The following BSND variants were observed in gnomAD, a reference collection of about 807,000 sequenced individuals.
The protein encoded by BSND is barttin.
BSND carries 13 observed loss-of-function variants against 18.8 expected under a neutral mutation model. The ratio of observed to expected loss-of-function variants is 0.69; its 90% CI spans 0.45 to 1.10. The LOEUF (loss-of-function observed/expected upper bound fraction) is 1.10. Ranked by LOEUF, BSND falls within the 50% of genes least tolerant of loss-of-function variation. BSND has a pLI of 0.00. For synonymous variants in BSND, 170 were observed against 161.8 expected, an observed-to-expected ratio of 1.05 and a Z score of -0.39; for missense variants, 379 against 416.7, an observed-to-expected ratio of 0.91 and a Z score of 0.79.
In BSND at chr1:55,007,065, T is replaced by A. The variant is rs747768672; in HGVS notation, c.341T>A (p.Phe114Tyr). The A allele has an allele frequency of 6.2e-7, 1 of 1,614,154 alleles. No individual in the cohort carries two copies. Among genetic ancestry groups the A allele is most frequent in the Admixed American group, 1.7e-5 (1 of 60,018 alleles). ...GCCTATGACCAGAGCCTGCCTGACTTCAGCCACATCCAGATGAAAGTCATG... is the reference window on the plus strand; with the variant it reads ...GCCTATGACCAGAGCCTGCCTGACTACAGCCACATCCAGATGAAAGTCATG... ...EAAYDQSLPD[F>Y]SHIQMKVMSY... The change falls in exon 3 of 4, where the codon TTC (phenylalanine) becomes TAC (tyrosine). Residue 114 changes from phenylalanine (F) to tyrosine (Y), a missense_variant. Transcript: ENST00000651561.
Position 55,008,406 on chromosome 1 carries a change from A to G in BSND, c.741A>G (p.Pro247=). 1 of 1,614,186 alleles carries G rather than the reference A, an allele frequency of 6.2e-7. No homozygotes were observed. The highest frequency in any genetic ancestry group is 8.5e-7 in the Non-Finnish European group (1 of 1,180,026). ...AAGACTTTGCCCTGATTGATGCCCC[A>G]ACGTTGGAGGATGAGCCCCAAGAGG... The part of the protein sequence containing the change: ...RFQDFALIDA[P]TLEDEPQEGQ... The change falls in exon 4 of 4, where the codon CCA becomes CCG. Residue 247 remains proline (P), a synonymous_variant. Transcript: ENST00000651561.
At position 55,009,806 on chromosome 1, in the gene BSND, C is replaced by T. The variant is rs1351151902; in HGVS notation, c.*1178C>T. Reference sequence around the variant, plus strand: ...CCTGTAATCTGAGCATTTTGGGAGGCTAAAGTGGGTGGATCACTTGAGGCC... The same window carrying T: ...CCTGTAATCTGAGCATTTTGGGAGGTTAAAGTGGGTGGATCACTTGAGGCC... On this transcript the variant is annotated 3_prime_UTR_variant, in exon 4 of 4. Coordinates refer to ENST00000651561, the MANE Select transcript of BSND (RefSeq NM_057176.3). The T allele has an allele frequency of 6.6e-6, 1 of 152,244 alleles. No individual in the cohort carries two copies. The highest frequency in any genetic ancestry group is 1.5e-5 in the Non-Finnish European group (1 of 68,076). 9.4% of individuals were successfully genotyped at this position (152,244 alleles called of 1,614,324 possible).
intron 1 of BSND, among the ~76,000 whole-genome samples, chr1:55,003,838 C>T (rs557368771): frequency 1.4e-5 from 2 of 147,952 alleles, no homozygotes; most frequent in East Asian, 3.9e-4. Flanking sequence ...GTAACTAGCC[C>T]CATTTTAAAA....
Position 55,014,018 on chromosome 1 carries a change from C to T in BSND, c.*5390C>T, listed in dbSNP as rs762085585. On this transcript the variant is annotated 3_prime_UTR_variant, in exon 4 of 4. Transcript: ENST00000651561. ...TCCATCTCCACTGCACCCTCTCCTC[C>T]GAATCCCTCCTAAACTGTGTGCCCC... 7.2e-5 allele frequency among the ~76,000 whole-genome samples: 11 copies of T among 152,192 alleles called. No individual in the cohort carries two copies. In the East Asian group the frequency reaches 9.7e-4, roughly 13 times the overall value.
chr1:55,006,002 C>G (rs919554578), intron 2 of BSND, among the ~76,000 whole-genome samples: 2 of 152,208 alleles, frequency 1.3e-5, no homozygotes, highest in African/African-American at 4.8e-5. Context: ...CAAGAATGCT[C>G]CAGCCCTGGA....
At position 55,008,416 on chromosome 1, in the gene BSND, G is replaced by T. The variant is rs1247819409; in HGVS notation, c.751G>T (p.Asp251Tyr). Residue 251 changes from aspartate (D) to tyrosine (Y), a missense_variant, in exon 4 of 4, where the codon GAT (aspartate) becomes TAT (tyrosine). By Grantham distance (160) the Asp-to-Tyr change is radical. Transcript: ENST00000651561. ...CCTGATTGATGCCCCAACGTTGGAG[G>T]ATGAGCCCCAAGAGGGGCAGCAGTG... ...FALIDAPTLE[D>Y]EPQEGQQWEI... 6.2e-7 allele frequency: 1 copy of T among 1,614,226 alleles called. No individual in the cohort carries two copies. The highest frequency in any genetic ancestry group is 2.2e-5 in the East Asian group (1 of 44,884).
In BSND at chr1:55,010,478, GCCTGCAC is replaced by G. The variant is rs1463830473; in HGVS notation, c.*1855_*1861del. On this transcript the variant is annotated 3_prime_UTR_variant, in exon 4 of 4. Transcript: ENST00000651561. ...CTCAAACCAGGACCACGCCCTCAGAGCCTGCACCCTGGGCCACCTGGGAGTCAGAGAC... is the reference window on the plus strand; with the variant it reads ...CTCAAACCAGGACCACGCCCTCAGAGCCTGGGCCACCTGGGAGTCAGAGAC... 3 of 152,334 alleles carry G rather than the reference GCCTGCAC, an allele frequency of 2.0e-5. No individual in the cohort carries two copies. Among genetic ancestry groups the G allele is most frequent in the Non-Finnish European group, 2.9e-5 (2 of 68,134 alleles). The allele number at this position is 152,334 out of a possible 1,614,324, so 9.4% of individuals were successfully genotyped here. A position where few individuals can be genotyped will look rare whatever the true frequency, so the allele number is the denominator to read the frequency against.
Position 55,005,253 on chromosome 1 carries a change from T to C in BSND, c.272+137T>C, listed in dbSNP as rs893986822. 5 of 733,800 alleles carry C rather than the reference T, an allele frequency of 6.8e-6. No homozygotes were observed. The East Asian group carries it at 1.3e-4, about 20-fold the overall frequency. 45.5% of individuals were successfully genotyped at this position (733,800 alleles called of 1,614,324 possible). A position where few individuals can be genotyped will look rare whatever the true frequency, so the allele number is the denominator to read the frequency against. On this transcript the variant is annotated intron_variant, in intron 2 of 3. Transcript: ENST00000651561. ...AGAATGTATTAGAAATTATGGACTGTTTTCAACTCTCAATTCTGTGAGTTA... is the reference window on the plus strand; with the variant it reads ...AGAATGTATTAGAAATTATGGACTGCTTTCAACTCTCAATTCTGTGAGTTA...
In BSND at chr1:55,016,913, C is replaced by T. The variant is rs1341540598; in HGVS notation, c.*8285C>T. Among the ~76,000 whole-genome samples the T allele has an allele frequency of 6.6e-6, 1 of 152,202 alleles. No homozygotes were observed. The highest frequency in any genetic ancestry group is 1.5e-5 in the Non-Finnish European group (1 of 68,036). Reference sequence around the variant, plus strand: ...AGCTATGCAAGGGACAGATACACGGCCATTCAAAACAGTGACCCTCCTGAT... The same window carrying T: ...AGCTATGCAAGGGACAGATACACGGTCATTCAAAACAGTGACCCTCCTGAT... On this transcript the variant is annotated 3_prime_UTR_variant, in exon 4 of 4. Coordinates refer to ENST00000651561, the MANE Select transcript of BSND (RefSeq NM_057176.3).
Position 54,999,386 on chromosome 1 carries a change from G to A in BSND, c.177+23G>A, listed in dbSNP as rs183215871. The A allele has an allele frequency of 4.6e-3, 7,298 of 1,597,186 alleles. 31 individuals carry two copies. Among genetic ancestry groups the A allele is most frequent in the Middle Eastern group, 9.7e-3 (55 of 5,678 alleles). ...AAGGTAGGTGGTAGTGGGGCTGGGT[G>A]GGGCCAGGTCAGCTGGGGCCAGGAG... On this transcript the variant is annotated intron_variant, in intron 1 of 3. Transcript: ENST00000651561.
chr1:55,001,201 CGTGTGTGT>C (rs36051858), intron 1 of BSND, among the ~76,000 whole-genome samples: 288 of 137,002 alleles, frequency 2.1e-3, no homozygotes, highest in East Asian at 9.7e-3. Context: ...ACAGTGGGAT[CGTGTGTGT>C]GTGTGTGTGT....
Position 55,011,314 on chromosome 1 carries a change from C to G in BSND, c.*2686C>G, listed in dbSNP as rs1476389738. On this transcript the variant is annotated 3_prime_UTR_variant, in exon 4 of 4. Transcript: ENST00000651561. Reference sequence around the variant, plus strand: ...TGCCTCTGCTAAGTTATTAGGAGGCCCCTTTCACGCTCGAAGATACCTCAT... The same window carrying G: ...TGCCTCTGCTAAGTTATTAGGAGGCGCCTTTCACGCTCGAAGATACCTCAT... The G allele has an allele frequency of 2.3e-5, 2 of 87,450 alleles. No homozygotes were observed. Among genetic ancestry groups the G allele is most frequent in the African/African-American group, 1.6e-4 (2 of 12,630 alleles). The allele number at this position is 87,450 out of a possible 1,614,324, so 5.4% of individuals were successfully genotyped here.
At position 55,007,062 on chromosome 1, in the gene BSND, A is replaced by T; in HGVS notation, c.338A>T (p.Asp113Val). ...EEAAYDQSLP[D>V]FSHIQMKVMS... ...GCCGCCTATGACCAGAGCCTGCCTG[A>T]CTTCAGCCACATCCAGATGAAAGTC... Residue 113 changes from aspartate to valine, a missense_variant, in exon 3 of 4, where the codon GAC becomes GTC. Physicochemically the swap from Asp to Val is radical, Grantham distance 152. Transcript: ENST00000651561. 1 of 1,614,182 alleles carries T rather than the reference A, an allele frequency of 6.2e-7. No homozygotes were observed. Among genetic ancestry groups the T allele is most frequent in the Non-Finnish European group, 8.5e-7 (1 of 1,180,046 alleles).
rs876657432 is a variant in BSND at position 55,008,616 on chromosome 1, C to T, written c.951C>T (p.Asp317=). The T allele has an allele frequency of 6.2e-7, 1 of 1,614,038 alleles. No individual in the cohort carries two copies. The highest frequency in any genetic ancestry group is 8.5e-7 in the Non-Finnish European group (1 of 1,180,054). Residue 317 remains aspartate (D), a synonymous_variant, in exon 4 of 4, where the codon GAC becomes GAT. Coordinates refer to ENST00000651561, the MANE Select transcript of BSND (RefSeq NM_057176.3). ...ACAAGGAGCTGGGTTTTGAGCCTGA[C>T]ACCCAAGGCTGAGATGTTTGTGCTC... ...LPDKELGFEP[D]TQG
In BSND at chr1:55,014,615, G is replaced by C. The variant is rs1289329175; in HGVS notation, c.*5987G>C. On this transcript the variant is annotated 3_prime_UTR_variant, in exon 4 of 4. Transcript: ENST00000651561. Reference sequence around the variant, plus strand: ...TGTCATCCAAGCACATGTATAATTCGAGCTTTGTATCGTCAGTGCTTCCAA... The same window carrying C: ...TGTCATCCAAGCACATGTATAATTCCAGCTTTGTATCGTCAGTGCTTCCAA... Among the ~76,000 whole-genome samples the C allele has an allele frequency of 6.6e-6, 1 of 152,168 alleles. No individual in the cohort carries two copies. Among genetic ancestry groups the C allele is most frequent in the African/African-American group, 2.4e-5 (1 of 41,432 alleles).
chr1:55,014,605 T>C lies in BSND; in HGVS notation c.*5977T>C, dbSNP rs142039278. Among the ~76,000 whole-genome samples, 80 of 152,308 alleles carry C rather than the reference T, an allele frequency of 5.3e-4. No homozygotes were observed. The highest frequency in any genetic ancestry group is 1.8e-3 in the African/African-American group (74 of 41,560). ...ACAAGCACTGTGTCATCCAAGCACA[T>C]GTATAATTCGAGCTTTGTATCGTCA... On this transcript the variant is annotated 3_prime_UTR_variant, in exon 4 of 4. Transcript: ENST00000651561.
Position 55,007,223 on chromosome 1 carries a change from G to A in BSND, c.499G>A (p.Gly167Ser). The change falls in exon 3 of 4, where the codon GGC (glycine) becomes AGC (serine). Residue 167 changes from glycine to serine, a missense_variant. Transcript: ENST00000651561. ...WMEAAVVIHKGSDESEGERRL... is the reference protein window; with the variant it reads ...WMEAAVVIHKSSDESEGERRL... ...GGAGGCTGCCGTGGTCATCCACAAG[G>A]GCTCAGACGAGAGTGAAGGGGAAAG... is the stretch of plus-strand genomic sequence containing the variant. The A allele has an allele frequency of 6.2e-7, 1 of 1,613,264 alleles. No homozygotes were observed. The highest frequency in any genetic ancestry group is 1.7e-5 in the Admixed American group (1 of 60,000).
intron 1 of BSND, among the ~76,000 whole-genome samples, chr1:55,004,135 G>A (rs1196316601): frequency 6.6e-6 from 1 of 152,180 alleles, no homozygotes; most frequent in Non-Finnish European, 1.5e-5. Flanking sequence ...TGTCCTCGAG[G>A]TTCAGTGATG....
intron 1 of BSND, 48 bp downstream of exon 1, chr1:54,999,411 G>A: frequency 6.4e-7 from 1 of 1,569,878 alleles, no homozygotes; most frequent in Non-Finnish European, 8.7e-7. Flanking sequence ...GGGGCCAGGA[G>A]GGCTGGACAC....
Sources: gnomAD v4.1 joint callset for allele counts (sites outside exome capture counted in the v4.1 genomes callset) on GRCh38, gnomAD v4.1.1 for gene constraint, MANE v1.5 for transcripts, NCBI Gene and HGNC (gene_info 2026-07-23, HGNC 2026-07-21) for gene names.